KCND3: variants seen among roughly 807,000 people sequenced by gnomAD.
KCND3 encodes A-type voltage-gated potassium channel KCND3.
In KCND3, 9 loss-of-function variants were observed where a neutral mutation model predicts 51.1. The observed-to-expected ratio is 0.18, with a 90% confidence interval of 0.11 to 0.31. The LOEUF (loss-of-function observed/expected upper bound fraction) is 0.31, where lower values mean the gene tolerates loss of function less well. Ranked by LOEUF, KCND3 falls within the 10% of genes least tolerant of loss-of-function variation. The pLI, the probability that KCND3 is intolerant of heterozygous loss-of-function variation, is 1.00. For missense variants in KCND3, 526 were observed against 903.8 expected, an observed-to-expected ratio of 0.58 and a Z score of 5.36; for synonymous variants, 349 against 368.0, an observed-to-expected ratio of 0.95 and a Z score of 0.59.
intron 2 of KCND3, among the ~76,000 whole-genome samples, chr1:111,918,128 G>A (rs949564469): frequency 6.6e-6 from 1 of 152,152 alleles, no homozygotes; most frequent in Non-Finnish European, 1.5e-5. Flanking sequence ...TTAGAAACTC[G>A]AATCTGACTG....
intron 2 of KCND3, among the ~76,000 whole-genome samples, chr1:111,892,677 T>C (rs1669885348): frequency 6.6e-6 from 1 of 152,202 alleles, no homozygotes; most frequent in Non-Finnish European, 1.5e-5. Context: ...AGAATAACAA[T>C]GGGTAATGTG....
chr1:111,815,324 T>A (rs1026345329), intron 2 of KCND3, among the ~76,000 whole-genome samples: 2 of 151,996 alleles, frequency 1.3e-5, no homozygotes, highest in African/African-American at 4.8e-5. Flanking sequence ...TCCTTCTTCA[T>A]CAGTCACTTC....
intron 2 of KCND3, among the ~76,000 whole-genome samples, chr1:111,884,483 G>A (rs1468389603): frequency 1.3e-5 from 2 of 152,314 alleles, no homozygotes; most frequent in East Asian, 3.9e-4. Context: ...ACAATGGAGG[G>A]AGAGGAGCCA....
At chr1:111,984,187 T>C (rs1317428694) in intron 1 of KCND3, among the ~76,000 whole-genome samples, 1 of 152,172 alleles carries the variant, frequency 6.6e-6, no homozygotes, top group African/African-American at 2.4e-5. Context: ...CACGAAGACT[T>C]GTAATGGGAG....
intron 2 of KCND3, among the ~76,000 whole-genome samples, chr1:111,972,974 A>T (rs993117008): frequency 2.6e-5 from 4 of 152,248 alleles, no homozygotes; most frequent in African/African-American, 9.6e-5. Context: ...GATACTCCTC[A>T]GCAGCTATAA....
intron 2 of KCND3, among the ~76,000 whole-genome samples, chr1:111,848,622 CA>C (rs1430748667): frequency 6.6e-6 from 1 of 152,236 alleles, no homozygotes; most frequent in African/African-American, 2.4e-5. Context: ...CTCACAGAGC[CA>C]CACAGGCTTG....
At chr1:111,973,423 T>A (rs757229781) in intron 2 of KCND3, among the ~76,000 whole-genome samples, 7 of 152,238 alleles carry the variant, frequency 4.6e-5, no homozygotes, top group African/African-American at 7.2e-5. Flanking sequence ...TTTGTTTTCA[T>A]ATAAAGAAGA....
intron 2 of KCND3, among the ~76,000 whole-genome samples, chr1:111,815,043 T>C (rs1666023065): frequency 1.3e-5 from 2 of 152,202 alleles, no homozygotes; most frequent in Non-Finnish European, 2.9e-5. Flanking sequence ...TGCTCCTGCC[T>C]CAGAGAGGAA....
intron 2 of KCND3, among the ~76,000 whole-genome samples, chr1:111,979,982 T>G (rs950343670): frequency 6.6e-6 from 1 of 151,896 alleles, no homozygotes; most frequent in Non-Finnish European, 1.5e-5. Flanking sequence ...GGAAGTGAGG[T>G]GTCTGGCCAT....
intron 2 of KCND3, among the ~76,000 whole-genome samples, chr1:111,828,624 T>C (rs922603684): frequency 6.6e-6 from 1 of 152,188 alleles, no homozygotes; most frequent in African/African-American, 2.4e-5. Flanking sequence ...ATCTTCACTG[T>C]TACCCCAGGT....
intron 2 of KCND3, among the ~76,000 whole-genome samples, chr1:111,958,408 T>G (rs1479644138): frequency 6.6e-6 from 1 of 151,212 alleles, no homozygotes; most frequent in Non-Finnish European, 1.5e-5. Context: ...CTGGGAAGAG[T>G]AGGAAAAGTT....
chr1:111,950,243 T>A (rs950311120), intron 2 of KCND3, among the ~76,000 whole-genome samples: 4 of 152,204 alleles, frequency 2.6e-5, no homozygotes, highest in Non-Finnish European at 5.9e-5. Flanking sequence ...CTTATGAGTG[T>A]GATGCATTCT....
At chr1:111,947,345 G>A (rs1178577773) in intron 2 of KCND3, among the ~76,000 whole-genome samples, 3 of 152,182 alleles carry the variant, frequency 2.0e-5, no homozygotes, top group African/African-American at 7.2e-5. Flanking sequence ...AGTAAAACAA[G>A]GTTCTTGCCC....
intron 2 of KCND3, among the ~76,000 whole-genome samples, chr1:111,965,448 ACACACACACAC>A (rs1673921604): frequency 7.4e-6 from 1 of 135,552 alleles, no homozygotes; most frequent in African/African-American, 3.1e-5. Flanking sequence ...CCACACACAC[ACACACACACAC>A]ACACACACAC....
intron 2 of KCND3, among the ~76,000 whole-genome samples, chr1:111,865,034 C>T (rs761575146): frequency 1.3e-5 from 2 of 152,204 alleles, no homozygotes; most frequent in East Asian, 3.8e-4. Flanking sequence ...GCCAGACATT[C>T]GGCAACCCAA....
At chr1:111,896,186 C>T (rs1670105097) in intron 2 of KCND3, among the ~76,000 whole-genome samples, 1 of 152,064 alleles carries the variant, frequency 6.6e-6, no homozygotes, top group Non-Finnish European at 1.5e-5. Flanking sequence ...GGTGAATACG[C>T]GTCAGAGCAA....
intron 2 of KCND3, among the ~76,000 whole-genome samples, chr1:111,850,778 A>G (rs536253957): frequency 2.3e-4 from 34 of 148,346 alleles, no homozygotes; most frequent in African/African-American, 7.8e-4. Flanking sequence ...GACCAGTGAC[A>G]TTGTTGGCGG....
chr1:111,865,685 T>G (rs1668526909), intron 2 of KCND3, among the ~76,000 whole-genome samples: 1 of 152,162 alleles, frequency 6.6e-6, no homozygotes, highest in South Asian at 2.1e-4. Context: ...TTTTTTGGGG[T>G]TTCCTTAAAG....
intron 2 of KCND3, among the ~76,000 whole-genome samples, chr1:111,960,528 C>T (rs569868323): frequency 2.2e-4 from 34 of 152,328 alleles, no homozygotes; most frequent in Non-Finnish European, 4.4e-4. Flanking sequence ...CGGACAGTTC[C>T]CAAGAGTGCA....
Sources: allele counts gnomAD v4.1 joint callset (sites outside exome capture counted in the v4.1 genomes callset), GRCh38; gene constraint gnomAD v4.1.1; transcripts MANE v1.5; gene names NCBI Gene and HGNC (gene_info 2026-07-23, HGNC 2026-07-21).